NOP53: variants seen among roughly 807,000 people sequenced by gnomAD.
The protein encoded by NOP53 is ribosome biogenesis protein NOP53.
Under a neutral mutation model 61.0 loss-of-function variants are expected in NOP53, and 40 were observed. The observed-to-expected ratio is 0.66, with a 90% CI of 0.51 to 0.85. The LOEUF is 0.85. NOP53 is among the 40% of genes least tolerant of loss of function. The pLI is 0.00. For missense variants in NOP53, 689 were observed against 652.9 expected (o/e 1.06, Z -0.60); for synonymous variants, 308 against 289.5 (o/e 1.06, Z -0.65).
In NOP53 at chr19:47,754,713, C is replaced by T. The variant is rs1178885991; in HGVS notation, c.875C>T (p.Ser292Phe). The stretch of plus-strand genomic sequence containing the variant: ...CACTGCACCCCGCCTCCCCAGGAGT[C>T]CACATTCCAGGAGCTGTGCGAGGGG... ...PATEQAATQESTFQELCEGLL... is the reference protein window; with the variant it reads ...PATEQAATQEFTFQELCEGLL... The change falls in exon 8 of 13, where the codon TCC becomes TTC. Residue 292 changes from serine (S) to phenylalanine (F), a missense_variant. Ser to Phe is a radical substitution (Grantham distance 155, BLOSUM62 -2). Coordinates refer to ENST00000246802, the MANE Select transcript of NOP53 (RefSeq NM_015710.5). The surrounding 1 kb of genome is among the most constrained non-coding windows in gnomAD (Gnocchi z 4.2). 8 of 1,532,906 alleles carry T rather than the reference C, an allele frequency of 5.2e-6. No homozygotes were observed. Among genetic ancestry groups the T allele is most frequent in the Non-Finnish European group, 6.2e-6 (7 of 1,135,672 alleles). 95.0% of individuals were successfully genotyped at this position (1,532,906 alleles called of 1,614,324 possible).
Position 47,747,041 on chromosome 19 carries a change from G to A in NOP53, c.289+10G>A, listed in dbSNP as rs758371911. On this transcript the variant is annotated intron_variant, in intron 2 of 12. Coordinates refer to ENST00000246802, the MANE Select transcript of NOP53 (RefSeq NM_015710.5). ...GGCTCCAAGGAAAAAGGTGAGGAGA[G>A]GCTTTTGTGGTGTGGAATGGCGGTT... 2.4e-5 allele frequency: 39 copies of A among 1,610,396 alleles called. No homozygotes were observed. The highest frequency in any genetic ancestry group is 3.3e-5 in the Admixed American group (2 of 59,940).
At chr19:47,747,643 G>A (rs1443513823) in intron 2 of NOP53, among the ~76,000 whole-genome samples, 1 of 151,778 alleles carries the variant, frequency 6.6e-6, no homozygotes, top group East Asian at 1.9e-4. Flanking sequence ...TTTTGAGACA[G>A]TGTTGCGCTG....
intron 5 of NOP53, among the ~76,000 whole-genome samples, chr19:47,751,857 T>G (rs960862566): frequency 3.7e-4 from 57 of 152,272 alleles, no homozygotes; most frequent in African/African-American, 1.3e-3. Context: ...ATCCCAGCAC[T>G]TCGGGAGGCC....
rs747609478 is a variant in NOP53 at position 47,751,551 on chromosome 19, T to A, written c.630T>A (p.Asp210Glu). 1 of 1,613,886 alleles carries A rather than the reference T, an allele frequency of 6.2e-7. No individual in the cohort carries two copies. Among genetic ancestry groups the A allele is most frequent in the South Asian group, 1.1e-5 (1 of 91,084 alleles). The change falls in exon 5 of 13, where the codon GAT (aspartate) becomes GAA (glutamate). Residue 210 changes from aspartate (D) to glutamate (E), a missense_variant. Transcript: ENST00000246802. ...TGGACAGGCCGTTGGTTGGCCAGGA[T>A]GAGTTTTTCCTGGAGCAGACCAAGA... ...NPLDRPLVGQ[D>E]EFFLEQTKKK...
Position 47,756,977 on chromosome 19 carries a change from A to G in NOP53, c.1431-22A>G, listed in dbSNP as rs889143. 4,543 of 1,614,028 alleles carry G rather than the reference A, an allele frequency of 2.8e-3. 121 individuals are homozygous for G. The African/African-American group carries it at 0.053, about 19-fold the overall frequency. ...ATGGGGCACCCTCTCACCCACCCTC[A>G]GCTCCTTTCCTCTGTCCCCAGGTTG... On this transcript the variant is annotated intron_variant, in intron 12 of 12. Coordinates refer to ENST00000246802, the MANE Select transcript of NOP53 (RefSeq NM_015710.5).
intron 2 of NOP53, among the ~76,000 whole-genome samples, chr19:47,749,430 A>G (rs1967099197): frequency 6.6e-6 from 1 of 152,102 alleles, no homozygotes; most frequent in African/African-American, 2.4e-5. Flanking sequence ...GTGGGCCTTA[A>G]ATGATTACAT....
intron 9 of NOP53, 55 bp downstream of exon 9, chr19:47,755,578 G>T: frequency 6.9e-7 from 1 of 1,442,548 alleles, no homozygotes; most frequent in Non-Finnish European, 9.2e-7. Context: ...CGGGTCCCAG[G>T]TCCTGACACC....
Position 47,754,844 on chromosome 19 carries a change from A to G in NOP53, c.1006A>G (p.Lys336Glu). ...GCCCGCCCGCCTGGCCACCACAGAG[A>G]AGAAGACGGAGCAGCAGCGGCGGCG... ...PTPARLATTEKKTEQQRRREK... is the reference protein window; with the variant it reads ...PTPARLATTEEKTEQQRRREK... Residue 336 changes from lysine (K) to glutamate (E), a missense_variant, in exon 8 of 13, where the codon AAG (lysine) becomes GAG (glutamate). By Grantham distance (56) the Lys-to-Glu change is moderately conservative. Transcript: ENST00000246802. The surrounding 1 kb of genome is among the most constrained non-coding windows in gnomAD (Gnocchi z 4.2). The G allele has an allele frequency of 6.5e-7, 1 of 1,541,382 alleles. No individual in the cohort carries two copies. The highest frequency in any genetic ancestry group is 8.7e-7 in the Non-Finnish European group (1 of 1,152,376).
chr19:47,755,985 A>G (rs1967192864), intron 10 of NOP53, 163 bp downstream of exon 10: 2 of 610,436 alleles, frequency 3.3e-6, no homozygotes, highest in Non-Finnish European at 5.8e-6. Flanking sequence ...ATGAGATCCC[A>G]GGGTGAGGGG....
chr19:47,754,921 C>G lies in NOP53; in HGVS notation c.1053+30C>G, dbSNP rs1290729887. On this transcript the variant is annotated intron_variant, in intron 8 of 12. Coordinates refer to ENST00000246802, the MANE Select transcript of NOP53 (RefSeq NM_015710.5). This position sits in a 1 kb window ranked among gnomAD's most constrained non-coding sequence, Gnocchi z 4.2. ...GCGCCTGGGCCAGCGGGGCCTGCCT[C>G]TGATGCCTCGCCCCCTTCCTTCCTT... 1 of 1,478,406 alleles carries G rather than the reference C, an allele frequency of 6.8e-7. No individual in the cohort carries two copies. The highest frequency in any genetic ancestry group is 1.4e-5 in the African/African-American group (1 of 69,716). The allele number at this position is 1,478,406 out of a possible 1,614,324, so 91.6% of individuals were successfully genotyped here.
intron 6 of NOP53, 197 bp downstream of exon 6, chr19:47,752,804 G>A (rs921670123): frequency 2.8e-5 from 15 of 538,392 alleles, no homozygotes; most frequent in South Asian, 2.3e-4. Context: ...GAGCCCAGAC[G>A]GGGCACCTGG....
At chr19:47,751,763 C>G (rs1411715221) in intron 5 of NOP53, among the ~76,000 whole-genome samples, 173 bp downstream of exon 5, 1 of 152,106 alleles carries the variant, frequency 6.6e-6, no homozygotes, top group East Asian at 1.9e-4. Context: ...CTGACTGATC[C>G]TGGGAAGGTG....
Position 47,750,977 on chromosome 19 carries a change from C to T in NOP53, c.468C>T (p.Ala156=). The change falls in exon 4 of 13, where the codon GCC becomes GCT. Residue 156 remains alanine, a synonymous_variant. Coordinates refer to ENST00000246802, the MANE Select transcript of NOP53 (RefSeq NM_015710.5). ...RRKEQLWEKL[A]KQGELPREVR... is the part of the protein sequence containing the mutation. ...AGGAGCAGCTATGGGAGAAGCTGGC[C>T]AAGCAGGGCGAGCTGCCCCGGGAGG... The T allele has an allele frequency of 1.3e-6, 2 of 1,597,468 alleles. No homozygotes were observed. The highest frequency in any genetic ancestry group is 1.7e-6 in the Non-Finnish European group (2 of 1,173,202).
intron 2 of NOP53, among the ~76,000 whole-genome samples, chr19:47,748,076 G>C (rs1967085584): frequency 6.6e-6 from 1 of 151,300 alleles, no homozygotes; most frequent in South Asian, 2.1e-4. Context: ...CACCACGCCT[G>C]GTCAAGCCTG....
Position 47,747,047 on chromosome 19 carries a change from TG to T in NOP53, c.289+17del. 5 of 1,606,960 alleles carry T rather than the reference TG, an allele frequency of 3.1e-6. No homozygotes were observed. The highest frequency in any genetic ancestry group is 4.3e-6 in the Non-Finnish European group (5 of 1,173,688). On this transcript the variant is annotated intron_variant, in intron 2 of 12. Transcript: ENST00000246802. ...AAGGAAAAAGGTGAGGAGAGGCTTT[TG>T]TGGTGTGGAATGGCGGTTATTCATT...
At chr19:47,752,274 C>A (rs1967133637) in intron 5 of NOP53, among the ~76,000 whole-genome samples, 1 of 152,080 alleles carries the variant, frequency 6.6e-6, no homozygotes, top group African/African-American at 2.4e-5. Flanking sequence ...GCTGCTGGAC[C>A]CCAAGTGTTA....
chr19:47,754,622 C>A lies in NOP53; in HGVS notation c.861C>A (p.Ala287=). 1 of 1,549,280 alleles carries A rather than the reference C, an allele frequency of 6.5e-7. No individual in the cohort carries two copies. The highest frequency in any genetic ancestry group is 1.2e-5 in the South Asian group (1 of 83,962). ...TGGCCCTGCCCGCCACGGAGCAGGC[C>A]GCCACCCAGGTGAGCCCCGCACCTG... ...RQLALPATEQ[A]ATQESTFQEL... is the part of the protein sequence containing the mutation. The change falls in exon 7 of 13, where the codon GCC becomes GCA. Residue 287 remains alanine, a synonymous_variant. Coordinates refer to ENST00000246802, the MANE Select transcript of NOP53 (RefSeq NM_015710.5). The surrounding 1 kb of genome is among the most constrained non-coding windows in gnomAD (Gnocchi z 4.2).
intron 6 of NOP53, chr19:47,753,313 C>G (rs1459195666): frequency 6.6e-6 from 1 of 152,402 alleles, no homozygotes; most frequent in East Asian, 1.9e-4. Context: ...CATGGCAGCA[C>G]GCATCTGTGG....
At chr19:47,752,136 G>A (rs1967131822) in intron 5 of NOP53, among the ~76,000 whole-genome samples, 1 of 152,042 alleles carries the variant, frequency 6.6e-6, no homozygotes, top group Non-Finnish European at 1.5e-5. Context: ...AAATACAGAT[G>A]AAATTGTACT....
Sources: allele counts gnomAD v4.1 joint callset (sites outside exome capture counted in the v4.1 genomes callset), GRCh38; gene constraint gnomAD v4.1.1; non-coding constraint Gnocchi (gnomAD v3.1); transcripts MANE v1.5; gene names NCBI Gene and HGNC (gene_info 2026-07-23, HGNC 2026-07-21).